The following JPT2 variants were observed in gnomAD, a reference collection of about 807,000 sequenced individuals.
The protein encoded by JPT2 is Jupiter microtubule associated homolog 2.
In JPT2, 9 loss-of-function variants were observed where a neutral mutation model predicts 15.9. The ratio of observed to expected loss-of-function variants is 0.57; its 90% CI spans 0.34 to 0.99. The LOEUF (loss-of-function observed/expected upper bound fraction) is 0.99. JPT2 is among the 50% of genes least tolerant of loss of function. JPT2 has a pLI of 0.02. For synonymous variants in JPT2, 95 were observed against 91.7 expected (o/e 1.04, Z -0.21); for missense variants, 267 against 252.1 (o/e 1.06, Z -0.40).
At chr16:1,688,834 T>C (rs902817495) in intron 2 of JPT2, 4 of 152,264 alleles carry the variant, frequency 2.6e-5, no homozygotes, top group Non-Finnish European at 2.9e-5. Flanking sequence ...GCATGTTTTC[T>C]TGCTTCAAAG....
chr16:1,697,515 A>C (rs78066386), intron 3 of JPT2, among the ~76,000 whole-genome samples: 1 of 133,430 alleles, frequency 7.5e-6, no homozygotes, highest in Non-Finnish European at 1.6e-5. Context: ...TCTTGTCTCC[A>C]AAAAAAAAAA....
At chr16:1,684,300 A>G (rs1487613504) in intron 1 of JPT2, among the ~76,000 whole-genome samples, 2 of 152,222 alleles carry the variant, frequency 1.3e-5, no homozygotes, top group Non-Finnish European at 2.9e-5. Context: ...TCTCAATTTC[A>G]GTAAGCCTCT....
At chr16:1,697,776 G>C in intron 3 of JPT2, 36 bp from the exon 4 acceptor site, 1 of 1,605,936 alleles carries the variant, frequency 6.2e-7, no homozygotes, top group East Asian at 2.2e-5. Flanking sequence ...AAAATTTTCT[G>C]AGTGAGTCCT....
In JPT2 at chr16:1,700,727, A is replaced by G. The variant is rs539183400; in HGVS notation, c.*1729A>G. ...ATGCAACTTGAAAGGAAACAGTTTA[A>G]TGGTGGAAATGAACTACCATTTATA... On this transcript the variant is annotated 3_prime_UTR_variant, in exon 5 of 5. Transcript: ENST00000248098. 6.5e-6 allele frequency: 1 copy of G among 153,080 alleles called. No individual in the cohort carries two copies. The highest frequency in any genetic ancestry group is 2.1e-4 in the South Asian group (1 of 4,852). 9.5% of individuals were successfully genotyped at this position (153,080 alleles called of 1,614,324 possible).
At chr16:1,679,694 C>A (rs1345874529) in intron 1 of JPT2, among the ~76,000 whole-genome samples, 11 of 143,568 alleles carry the variant, frequency 7.7e-5, no homozygotes, top group African/African-American at 2.7e-4. Context: ...AAGACTCCGT[C>A]TCAAAAAAAA....
chr16:1,685,374 A>C, intron 1 of JPT2, 65 bp from the exon 2 acceptor site: 1 of 1,563,240 alleles, frequency 6.4e-7, no homozygotes, highest in Non-Finnish European at 8.7e-7. Flanking sequence ...TTGTGCCAAA[A>C]TCCTTGCACA....
intron 2 of JPT2, 32 bp from the exon 3 acceptor site, chr16:1,691,811 G>A (rs781484414): frequency 3.7e-6 from 6 of 1,602,050 alleles, no homozygotes; most frequent in South Asian, 2.2e-5. Flanking sequence ...GTGGACGTCT[G>A]GTTGCTCAGT....
chr16:1,683,622 T>TAC, intron 1 of JPT2: 2 of 1,492,064 alleles, frequency 1.3e-6, no homozygotes, highest in Non-Finnish European at 1.8e-6. Context: ...GTTTCTGGGG[T>TAC]ACAGTAGCCA....
intron 3 of JPT2, 91 bp from the exon 4 acceptor site, chr16:1,697,721 A>G (rs932965153): frequency 2.1e-5 from 26 of 1,227,636 alleles, no homozygotes; most frequent in Middle Eastern, 3.9e-4. Context: ...TTGTAAATTA[A>G]AAGGTTATAT....
chr16:1,685,920 G>T (rs8045021), intron 2 of JPT2: 21,906 of 221,628 alleles, frequency 0.099, 1,477 homozygotes, highest in African/African-American at 0.21. Flanking sequence ...GCAAATTATT[G>T]TGCATTTAAA....
chr16:1,684,753 A>G (rs541203933), intron 1 of JPT2, among the ~76,000 whole-genome samples: 5 of 152,144 alleles, frequency 3.3e-5, no homozygotes, highest in Non-Finnish European at 7.4e-5. Context: ...CAAAAAAAAC[A>G]AACAAAAGTT....
intron 2 of JPT2, 147 bp downstream of exon 2, chr16:1,685,734 GA>G: frequency 4.7e-6 from 4 of 844,384 alleles, no homozygotes; most frequent in Non-Finnish European, 7.1e-6. Context: ...AAAACGTTCT[GA>G]TTTGTACTTT....
intron 1 of JPT2, 62 bp downstream of exon 1, chr16:1,678,418 G>T (rs1361189972): frequency 1.8e-5 from 20 of 1,086,092 alleles, no homozygotes; most frequent in Non-Finnish European, 2.2e-5. Context: ...GAGCGGGCCA[G>T]CCCAGGGCGT....
At chr16:1,678,626 A>T (rs1241342329) in intron 1 of JPT2, among the ~76,000 whole-genome samples, 1 of 151,944 alleles carries the variant, frequency 6.6e-6, no homozygotes, top group African/African-American at 2.4e-5. Context: ...CTCTGGGAAC[A>T]AAGCTGTGTG....
chr16:1,686,943 G>A (rs9635641), intron 2 of JPT2, among the ~76,000 whole-genome samples: 1 of 152,070 alleles, frequency 6.6e-6, no homozygotes, highest in Admixed American at 6.6e-5. Flanking sequence ...ACCAAATGTA[G>A]AGGAAAAAAA....
rs1297679722 is a variant in JPT2, at chr16:1,700,024, GC to G, written c.*1027del. 2.8e-6 allele frequency: 1 copy of G among 357,948 alleles called. No individual in the cohort carries two copies. Among genetic ancestry groups the G allele is most frequent in the Non-Finnish European group, 5.9e-6 (1 of 169,508 alleles). The allele number at this position is 357,948 out of a possible 1,614,324, so 22.2% of individuals were successfully genotyped here. A position where few individuals can be genotyped will look rare whatever the true frequency, so the allele number is the denominator to read the frequency against. ...CTAAAAAGCTAAATTTTAAATACCA[GC>G]TTTACATAAATGATTGTTGACTCTG... is the stretch of plus-strand genomic sequence containing the variant. On this transcript the variant is annotated 3_prime_UTR_variant, in exon 5 of 5. Transcript: ENST00000248098.
At position 1,699,171 on chromosome 16, in the gene JPT2, C is replaced by G. The variant is rs757080031; in HGVS notation, c.*173C>G. 1 of 738,400 alleles carries G rather than the reference C, an allele frequency of 1.4e-6. No homozygotes were observed. The highest frequency in any genetic ancestry group is 1.5e-5 in the South Asian group (1 of 67,964). The allele number at this position is 738,400 out of a possible 1,614,324, so 45.7% of individuals were successfully genotyped here. A position where few individuals can be genotyped will look rare whatever the true frequency, so the allele number is the denominator to read the frequency against. ...CAGCTGCTTGGAGACCCGTGCCTTC[C>G]AGATGGCTGGGAGATGCCTCTGTGG... On this transcript the variant is annotated 3_prime_UTR_variant, in exon 5 of 5. Transcript: ENST00000248098.
chr16:1,683,038 C>A (rs1003014906), intron 1 of JPT2, among the ~76,000 whole-genome samples: 1 of 152,106 alleles, frequency 6.6e-6, no homozygotes, highest in Non-Finnish European at 1.5e-5. Context: ...AATGCAGTGG[C>A]GCATCTTGGT....
intron 3 of JPT2, chr16:1,692,245 G>A (rs2037108861): frequency 9.6e-6 from 5 of 519,886 alleles, no homozygotes; most frequent in Admixed American, 3.5e-5. Context: ...GGGCTGTGGC[G>A]GCTCCTCACT....
Sources: gnomAD v4.1 joint callset for allele counts (sites outside exome capture counted in the v4.1 genomes callset) on GRCh38, gnomAD v4.1.1 for gene constraint, MANE v1.5 for transcripts, NCBI Gene and HGNC (gene_info 2026-07-23, HGNC 2026-07-21) for gene names.